MAD1L1: variants seen among roughly 807,000 people sequenced by gnomAD.
MAD1L1 encodes mitotic spindle assembly checkpoint protein MAD1.
In MAD1L1, 95 loss-of-function variants were observed where a neutral mutation model predicts 96.9. The observed-to-expected ratio is 0.98, with a 90% CI of 0.83 to 1.16. The LOEUF (loss-of-function observed/expected upper bound fraction) is 1.16, where lower values mean the gene tolerates loss of function less well. MAD1L1 is among the 50% of genes most tolerant of loss of function. The pLI is 0.00. For synonymous variants in MAD1L1, 473 were observed against 396.6 expected, an observed-to-expected ratio of 1.19 and a Z score of -2.29; for missense variants, 1,007 against 954.4, an observed-to-expected ratio of 1.06 and a Z score of -0.73.
intron 11 of MAD1L1, among the ~76,000 whole-genome samples, chr7:2,113,269 TAGG>T (rs1421369014): frequency 3.3e-5 from 5 of 152,152 alleles, no homozygotes; most frequent in South Asian, 2.1e-4. Context: ...ATGCTTGAAC[TAGG>T]AGGAGAAGTT....
chr7:1,939,361 C>T (rs905441496), intron 16 of MAD1L1, among the ~76,000 whole-genome samples: 9 of 151,500 alleles, frequency 5.9e-5, no homozygotes, highest in East Asian at 3.9e-4. Flanking sequence ...GAGCCAGCGG[C>T]GCACACACAC....
At position 2,015,078 on chromosome 7, in the gene MAD1L1, A is replaced by C. The variant is rs955008445; in HGVS notation, c.1219-436T>G. ...CGTGACTCCTCTGAGTCCCAGTCAC[A>C]CTGGGCCCAGGGAAACGACAGTGGG... is the stretch of plus-strand genomic sequence containing the variant. On this transcript the variant is annotated intron_variant, in intron 12 of 18. Transcript: ENST00000265854. Among the ~76,000 whole-genome samples the C allele has an allele frequency of 2.0e-5, 3 of 152,148 alleles. No individual in the cohort carries two copies. The East Asian group carries it at 5.8e-4, about 29-fold the overall frequency.
In MAD1L1 at chr7:2,114,867, C is replaced by G. The variant is rs1787581013; in HGVS notation, c.1073+34285G>C. On this transcript the variant is annotated intron_variant, in intron 11 of 18. Transcript: ENST00000265854. This position sits in a 1 kb window ranked among gnomAD's most constrained non-coding sequence, Gnocchi z 4.2. ...CATCTTTTGAGGCCCACAGGTAGTT[C>G]TGGGATCTCGGTAAGAATCTGCTTT... is the stretch of plus-strand genomic sequence containing the variant. Among the ~76,000 whole-genome samples, 1 of 152,230 alleles carries G rather than the reference C, an allele frequency of 6.6e-6. No homozygotes were observed. Among genetic ancestry groups the G allele is most frequent in the Non-Finnish European group, 1.5e-5 (1 of 68,044 alleles).
intron 12 of MAD1L1, among the ~76,000 whole-genome samples, chr7:2,033,136 G>A (rs765411665): frequency 6.6e-6 from 1 of 152,208 alleles, no homozygotes; most frequent in African/African-American, 2.4e-5. Context: ...TCATACACTC[G>A]CCAGCCAGGC....
intron 10 of MAD1L1, among the ~76,000 whole-genome samples, chr7:2,163,684 A>C (rs1269712625): frequency 1.3e-5 from 2 of 152,058 alleles, no homozygotes; most frequent in African/African-American, 4.8e-5. Flanking sequence ...TTCTACGTAT[A>C]ATGCATTTTA....
chr7:2,050,737 GAGGGCGGCTCAGTCC>G (rs571485453), intron 12 of MAD1L1, among the ~76,000 whole-genome samples: 3,027 of 152,280 alleles, frequency 0.02, 105 homozygotes, highest in African/African-American at 0.069. Flanking sequence ...CAGTACCCCC[GAGGGCGGCTCAGTCC>G]TCAGCAGGCC....
intron 18 of MAD1L1, among the ~76,000 whole-genome samples, chr7:1,855,727 CA>C (rs1354329555): frequency 6.6e-6 from 1 of 152,204 alleles, no homozygotes; most frequent in African/African-American, 2.4e-5. Context: ...TCACCAGCAT[CA>C]CCTTTCATGG....
chr7:1,852,082 C>A (rs959395366), intron 18 of MAD1L1, among the ~76,000 whole-genome samples: 3 of 152,170 alleles, frequency 2.0e-5, no homozygotes, highest in Non-Finnish European at 2.9e-5. Context: ...TGGGGAGGGG[C>A]CCTCCTGAGG....
At chr7:1,974,770 G>A (rs1302965525) in intron 15 of MAD1L1, among the ~76,000 whole-genome samples, 4 of 152,254 alleles carry the variant, frequency 2.6e-5, no homozygotes, top group East Asian at 1.9e-4. Flanking sequence ...GGCGTGAGAC[G>A]CCAGAAGGAA....
intron 18 of MAD1L1, among the ~76,000 whole-genome samples, chr7:1,873,289 G>A (rs1438269113): frequency 6.6e-6 from 1 of 152,236 alleles, no homozygotes; most frequent in Non-Finnish European, 1.5e-5. Context: ...GCGAGTCCGG[G>A]TCCTGTCCTG....
Position 2,115,248 on chromosome 7 carries a change from C to T in MAD1L1, c.1073+33904G>A, listed in dbSNP as rs184345210. 2.1e-3 allele frequency among the ~76,000 whole-genome samples: 316 copies of T among 151,824 alleles called. 1 individual carries two copies. Among genetic ancestry groups the T allele is most frequent in the Middle Eastern group, 6.8e-3 (2 of 294 alleles). On this transcript the variant is annotated intron_variant, in intron 11 of 18. Transcript: ENST00000265854. The stretch of plus-strand genomic sequence containing the variant: ...TCAGAGGAGGCGCTGGACAGGGTCC[C>T]CACGTGTTCCAGGGTCAGAGGAGGC...
rs142582525 is a variant in MAD1L1 at position 1,924,180 on chromosome 7, C to A, written c.1807+12507G>T. ...CCAAGAAGCAAGTGATTGGAAAACA[C>A]AGACTTAACTTTTCACAGTATCTTA... On this transcript the variant is annotated intron_variant, in intron 17 of 18. Transcript: ENST00000265854. Among the ~76,000 whole-genome samples the A allele has an allele frequency of 4.2e-4, 64 of 152,334 alleles. No individual in the cohort carries two copies. In the East Asian group the frequency reaches 0.012, roughly 28 times the overall value.
intron 13 of MAD1L1, 35 bp downstream of exon 13, chr7:2,014,467 C>T (rs764220030): frequency 2.0e-6 from 3 of 1,527,390 alleles, no homozygotes; most frequent in Admixed American, 3.7e-5. Flanking sequence ...GAAGCCCCAC[C>T]TGGCGACGTG....
At chr7:1,883,270 T>C (rs1270640546) in intron 18 of MAD1L1, among the ~76,000 whole-genome samples, 1 of 152,102 alleles carries the variant, frequency 6.6e-6, no homozygotes, top group East Asian at 1.9e-4. Context: ...GAATCACAAA[T>C]GTCCACCCCT....
chr7:2,166,907 C>G (rs777466940), intron 10 of MAD1L1, among the ~76,000 whole-genome samples: 1 of 152,206 alleles, frequency 6.6e-6, no homozygotes, highest in Non-Finnish European at 1.5e-5. Context: ...ACCTGGGCGG[C>G]GCACTCCGCT....
chr7:2,128,856 C>T (rs976938617), intron 11 of MAD1L1, among the ~76,000 whole-genome samples: 5 of 152,208 alleles, frequency 3.3e-5, no homozygotes, highest in African/African-American at 1.2e-4. Flanking sequence ...ATCTTCAGCT[C>T]ACACTGCAGT....
chr7:1,881,254 C>A (rs1318732864), intron 18 of MAD1L1, among the ~76,000 whole-genome samples: 1 of 152,052 alleles, frequency 6.6e-6, no homozygotes, highest in Non-Finnish European at 1.5e-5. Flanking sequence ...TTGAATTAAC[C>A]CATTTATGCC....
At chr7:2,095,312 G>A (rs1028916768) in intron 11 of MAD1L1, among the ~76,000 whole-genome samples, 4 of 152,156 alleles carry the variant, frequency 2.6e-5, no homozygotes, top group Admixed American at 6.5e-5. Context: ...CCAAAGTGCT[G>A]GGATTACAGG....
intron 12 of MAD1L1, among the ~76,000 whole-genome samples, chr7:2,023,734 A>T (rs1782882429): frequency 6.6e-6 from 1 of 152,170 alleles, no homozygotes; most frequent in South Asian, 2.1e-4. Context: ...GGATCACCTG[A>T]GGTTGGGAGT....
Sources: gnomAD v4.1 joint callset for allele counts (sites outside exome capture counted in the v4.1 genomes callset) on GRCh38, gnomAD v4.1.1 for gene constraint, Gnocchi (gnomAD v3.1) non-coding constraint, MANE v1.5 for transcripts, NCBI Gene and HGNC (gene_info 2026-07-23, HGNC 2026-07-21) for gene names.